The following PCDHA10 variants were observed in gnomAD, a reference collection of about 807,000 sequenced individuals.
PCDHA10 encodes the protein protocadherin alpha 10.
In PCDHA10, 45 loss-of-function variants were observed where a neutral mutation model predicts 61.2. The ratio of observed to expected loss-of-function variants is 0.74; its 90% confidence interval spans 0.58 to 0.94. PCDHA10 has a LOEUF of 0.94. PCDHA10 is among the 40% of genes least tolerant of loss of function. PCDHA10 has a pLI of 0.00. For synonymous variants in PCDHA10, 602 were observed against 548.8 expected, an observed-to-expected ratio of 1.10 and a Z score of -1.35; for missense variants, 1,278 against 1,236.2, an observed-to-expected ratio of 1.03 and a Z score of -0.51.
intron 1 of PCDHA10, among the ~76,000 whole-genome samples, chr5:140,964,434 G>A (rs1332567720): frequency 6.6e-6 from 1 of 152,104 alleles, no homozygotes; most frequent in Non-Finnish European, 1.5e-5. Context: ...AAATTACCAA[G>A]CCTCTGCCAC....
Position 140,969,579 on chromosome 5 carries a change from G to A in PCDHA10, c.2389-9370G>A, listed in dbSNP as rs373969836. Reference sequence around the variant, plus strand: ...TCCATAAAATTGTTTGAGAAGTGAGGATTAGTCTTAATATTTAATGCTAAA... The same window carrying A: ...TCCATAAAATTGTTTGAGAAGTGAGAATTAGTCTTAATATTTAATGCTAAA... On this transcript the variant is annotated intron_variant, in intron 1 of 3. Coordinates refer to ENST00000307360, the MANE Select transcript of PCDHA10 (RefSeq NM_018901.4). 1,666 of 951,704 alleles carry A rather than the reference G, an allele frequency of 1.8e-3. 9 individuals carry two copies. The Middle Eastern group carries it at 0.019, about 11-fold the overall frequency. 59.0% of individuals were successfully genotyped at this position (951,704 alleles called of 1,614,324 possible). A position where few individuals can be genotyped will look rare whatever the true frequency, so the allele number is the denominator to read the frequency against.
At chr5:141,002,133 C>T (rs1172462824) in intron 3 of PCDHA10, among the ~76,000 whole-genome samples, 2 of 152,248 alleles carry the variant, frequency 1.3e-5, no homozygotes, top group African/African-American at 4.8e-5. Context: ...ATAGCCTTTG[C>T]CGGCTGCACT....
chr5:140,927,137 A>G, intron 1 of PCDHA10: 2 of 1,614,052 alleles, frequency 1.2e-6, no homozygotes, highest in South Asian at 2.2e-5. Context: ...GAGCCGGCGG[A>G]CCGCGAACAG....
At chr5:140,899,035 G>C (rs2067107583) in intron 1 of PCDHA10, among the ~76,000 whole-genome samples, 1 of 151,908 alleles carries the variant, frequency 6.6e-6, no homozygotes, top group African/African-American at 2.4e-5. Context: ...TTTGTACATT[G>C]ATTTTGTATC....
At chr5:140,912,613 T>C in intron 1 of PCDHA10, among the ~76,000 whole-genome samples, 1 of 152,290 alleles carries the variant, frequency 6.6e-6, no homozygotes, top group Middle Eastern at 3.4e-3. Flanking sequence ...TCTTGTCTGA[T>C]TACTCTGGAT....
rs139533789 is a variant in PCDHA10, at chr5:140,857,716, C to T, written c.1668C>T (p.Asp556=). Residue 556 remains aspartate, a synonymous_variant, in exon 1 of 4, where the codon GAC becomes GAT. Coordinates refer to ENST00000307360, the MANE Select transcript of PCDHA10 (RefSeq NM_018901.4). ...SNLTLQVFVL[D]ENDNAPALLA... Reference sequence around the variant, plus strand: ...TGACGCTGCAGGTGTTCGTGCTGGACGAGAACGACAACGCTCCCGCGCTGC... The same window carrying T: ...TGACGCTGCAGGTGTTCGTGCTGGATGAGAACGACAACGCTCCCGCGCTGC... 4,225 of 1,597,384 alleles carry T rather than the reference C, an allele frequency of 2.6e-3. 332 individuals are homozygous for T. The highest frequency in any genetic ancestry group is 8.2e-3 in the Middle Eastern group (46 of 5,608).
chr5:140,954,885 T>C (rs1291095041), intron 1 of PCDHA10, among the ~76,000 whole-genome samples: 1 of 152,218 alleles, frequency 6.6e-6, no homozygotes, highest in Non-Finnish European at 1.5e-5. Context: ...GCTTTTCTTC[T>C]AGGGTTTTTA....
chr5:140,882,666 T>G, intron 1 of PCDHA10: 1 of 1,614,160 alleles, frequency 6.2e-7, no homozygotes, highest in Non-Finnish European at 8.5e-7. Flanking sequence ...CCGCCCATAT[T>G]CCCTGAAAGC....
chr5:140,897,999 G>A (rs1411789620), intron 1 of PCDHA10, among the ~76,000 whole-genome samples: 3 of 152,142 alleles, frequency 2.0e-5, no homozygotes, highest in East Asian at 1.9e-4. Context: ...TTTGAGAAGT[G>A]TCTGTTCATA....
At chr5:140,962,790 C>T (rs899867239) in intron 1 of PCDHA10, among the ~76,000 whole-genome samples, 28 of 152,286 alleles carry the variant, frequency 1.8e-4, no homozygotes, top group African/African-American at 6.0e-4. Flanking sequence ...TTAAAAACTA[C>T]TTTGGACAAC....
intron 3 of PCDHA10, among the ~76,000 whole-genome samples, chr5:140,989,624 G>C (rs527255277): frequency 6.6e-6 from 1 of 152,208 alleles, no homozygotes; most frequent in Non-Finnish European, 1.5e-5. Context: ...GTCTGTCCTA[G>C]TGACAGCAAG....
rs1489888830 is a variant in PCDHA10, at chr5:140,987,480, A to G, written c.2536+4917A>G. ...TGTTAAGAGCTCAAGCTTGGGAGTC[A>G]GTGACCCTTTCTGAATTCTACCTCT... is the stretch of plus-strand genomic sequence containing the variant. On this transcript the variant is annotated intron_variant, in intron 3 of 3. Coordinates refer to ENST00000307360, the MANE Select transcript of PCDHA10 (RefSeq NM_018901.4). Among the ~76,000 whole-genome samples, 6 of 152,310 alleles carry G rather than the reference A, an allele frequency of 3.9e-5. No homozygotes were observed. The South Asian group carries it at 1.2e-3, about 32-fold the overall frequency.
intron 3 of PCDHA10, among the ~76,000 whole-genome samples, chr5:141,000,361 GTCTCTCTCTCTCTC>G (rs148596731): frequency 5.7e-4 from 15 of 26,444 alleles, no homozygotes; most frequent in African/African-American, 2.0e-3. Context: ...GTCTCTCTCT[GTCTCTCTCTCTCTC>G]TCTCTCTCTC....
chr5:140,871,561 T>C, intron 1 of PCDHA10: 1 of 1,485,946 alleles, frequency 6.7e-7, no homozygotes, highest in Non-Finnish European at 9.0e-7. Context: ...CAGTTTTTTT[T>C]CACGGATTTT....
rs782296827 is a variant in PCDHA10, at chr5:140,858,349, C to T, written c.2301C>T (p.Leu767=). The T allele has an allele frequency of 9.4e-6, 15 of 1,594,268 alleles. 2 individuals are homozygous for T. ...CSGEGLPKAD[L]MAFSPSLPPC... ...GGGAGGGCCTGCCCAAGGCGGACCT[C>T]ATGGCCTTCAGCCCCAGCCTTCCAC... Residue 767 remains leucine (L), a synonymous_variant, in exon 1 of 4, where the codon CTC becomes CTT. Coordinates refer to ENST00000307360, the MANE Select transcript of PCDHA10 (RefSeq NM_018901.4).
intron 1 of PCDHA10, chr5:140,870,282 C>T (rs886699693): frequency 6.2e-7 from 1 of 1,614,228 alleles, no homozygotes; most frequent in Non-Finnish European, 8.5e-7. Context: ...CCCACGTTCC[C>T]TTCAAGCTGG....
intron 1 of PCDHA10, among the ~76,000 whole-genome samples, chr5:140,920,549 G>T (rs957534849): frequency 6.6e-6 from 1 of 152,120 alleles, no homozygotes; most frequent in Non-Finnish European, 1.5e-5. Flanking sequence ...TTTCACCTTC[G>T]AAGTGTGGCC....
chr5:140,978,875 T>A, intron 1 of PCDHA10, 74 bp from the exon 2 acceptor site: 2 of 1,609,316 alleles, frequency 1.2e-6, no homozygotes, highest in Non-Finnish European at 1.7e-6. Flanking sequence ...AGGGAGTAAC[T>A]AATCAATTAG....
chr5:140,989,575 G>A (rs2097349164), intron 3 of PCDHA10, among the ~76,000 whole-genome samples: 3 of 152,210 alleles, frequency 2.0e-5, no homozygotes. Flanking sequence ...GGCAAGCCCT[G>A]TCCTCAGCCT....
Sources: gnomAD v4.1 joint callset for allele counts (sites outside exome capture counted in the v4.1 genomes callset) on GRCh38, gnomAD v4.1.1 for gene constraint, MANE v1.5 for transcripts, NCBI Gene and HGNC (gene_info 2026-07-23, HGNC 2026-07-21) for gene names.